Variants in ZNF337 observed in about 807,000 individuals in gnomAD.
ZNF337 encodes the protein zinc finger protein 337.
Under a neutral mutation model 12.1 loss-of-function variants are expected in ZNF337, and 8 were observed. The observed-to-expected ratio is 0.66, with a 90% CI of 0.39 to 1.19. The LOEUF is 1.19. Ranked by LOEUF, ZNF337 falls within the 50% of genes most tolerant of loss-of-function variation. The pLI is 0.01. For synonymous variants in ZNF337, 336 were observed against 320.0 expected, an observed-to-expected ratio of 1.05 and a Z score of -0.53; for missense variants, 882 against 896.6, an observed-to-expected ratio of 0.98 and a Z score of 0.21.
At chr20:25,680,158 G>A (rs2065753751) in intron 4 of ZNF337, among the ~76,000 whole-genome samples, 2 of 152,224 alleles carry the variant, frequency 1.3e-5, no homozygotes, top group South Asian at 2.1e-4. Flanking sequence ...AAGGGAGAAC[G>A]AAGAGCAGTT....
rs1272374242 is a variant in ZNF337, at chr20:25,686,469, G to A, written c.-49-3C>T. 6 of 1,609,938 alleles carry A rather than the reference G, an allele frequency of 3.7e-6. No homozygotes were observed. The highest frequency in any genetic ancestry group is 5.1e-6 in the Non-Finnish European group (6 of 1,178,070). The stretch of plus-strand genomic sequence containing the variant: ...AGGGAAGCTTGCAGATGGCCAATCT[G>A]TGGGAGGAGAGAAGTCAGAGGGTGG... On this transcript the variant is annotated splice_region_variant and splice_polypyrimidine_tract_variant and intron_variant, in intron 1 of 4. Coordinates refer to ENST00000252979, the MANE Select transcript of ZNF337 (RefSeq NM_015655.4).
rs568986214 is a variant in ZNF337 at position 25,684,890 on chromosome 20, A to G, written c.250+677T>C. ...TAACACAAGAAGAGAAAAATCAAAC[A>G]CTATATGTTCTCACTCATAAGTGGG... On this transcript the variant is annotated intron_variant, in intron 4 of 4. Transcript: ENST00000252979. Among the ~76,000 whole-genome samples, 78 of 151,286 alleles carry G rather than the reference A, an allele frequency of 5.2e-4. No homozygotes were observed. The South Asian group carries it at 5.4e-3, about 11-fold the overall frequency.
At chr20:25,695,758 C>T (rs929740284) in intron 1 of ZNF337, among the ~76,000 whole-genome samples, 7 of 152,004 alleles carry the variant, frequency 4.6e-5, no homozygotes, top group African/African-American at 1.7e-4. Context: ...GCTGTGCTGC[C>T]CAGGCTGCTC....
chr20:25,681,690 A>G (rs185604941), intron 4 of ZNF337, among the ~76,000 whole-genome samples: 1 of 152,314 alleles, frequency 6.6e-6, no homozygotes, highest in Non-Finnish European at 1.5e-5. Flanking sequence ...CTGGGGTGAG[A>G]GTAATTCTTT....
intron 4 of ZNF337, among the ~76,000 whole-genome samples, chr20:25,679,852 C>T (rs1229439789): frequency 6.6e-6 from 1 of 151,894 alleles, no homozygotes; most frequent in African/African-American, 2.4e-5. Context: ...ATACCTGTAC[C>T]CCCATGTTAA....
In ZNF337 at chr20:25,676,903, G is replaced by A. The variant is rs369174403; in HGVS notation, c.385C>T (p.Pro129Ser). Residue 129 changes from proline to serine, a missense_variant, in exon 5 of 5, where the codon CCC becomes TCC. Transcript: ENST00000252979. ...EGQEKEKSTK[P>S]MAFSSPPLRH... ...AGGGGTGGGCTGGAAAATGCCATGG[G>A]CTTAGTGCTTTTTTCTTTCTCTTGA... 6.2e-7 allele frequency: 1 copy of A among 1,614,130 alleles called. No individual in the cohort carries two copies. Among genetic ancestry groups the A allele is most frequent in the Non-Finnish European group, 8.5e-7 (1 of 1,180,034 alleles).
At chr20:25,693,132 A>T (rs2065894963) in intron 1 of ZNF337, among the ~76,000 whole-genome samples, 1 of 152,200 alleles carries the variant, frequency 6.6e-6, no homozygotes, top group African/African-American at 2.4e-5. Flanking sequence ...GCTGTAGTGC[A>T]GTGGCATGTT....
Position 25,673,366 on chromosome 20 carries a change from CA to C in ZNF337, c.*1665del, listed in dbSNP as rs2065638010. ...TTGCATGTATCTTCCCTGTGCTGGA[CA>C]AGGGTTGTGTGCAGCTATGTAGGGC... On this transcript the variant is annotated 3_prime_UTR_variant, in exon 5 of 5. Transcript: ENST00000252979. Among the ~76,000 whole-genome samples the C allele has an allele frequency of 6.6e-6, 1 of 152,168 alleles. No homozygotes were observed. Among genetic ancestry groups the C allele is most frequent in the Non-Finnish European group, 1.5e-5 (1 of 68,034 alleles).
In ZNF337 at chr20:25,674,176, T is replaced by G. The variant is rs759489009; in HGVS notation, c.*856A>C. On this transcript the variant is annotated 3_prime_UTR_variant, in exon 5 of 5. Transcript: ENST00000252979. The stretch of plus-strand genomic sequence containing the variant: ...TGATGAGGGGAGCAGTTACTTAGTC[T>G]ATTTGAGCTGTTATAATAAAATACC... The G allele has an allele frequency of 3.9e-5, 6 of 152,244 alleles. No homozygotes were observed. Among genetic ancestry groups the G allele is most frequent in the Non-Finnish European group, 5.9e-5 (4 of 68,060 alleles). 9.4% of individuals were successfully genotyped at this position (152,244 alleles called of 1,614,324 possible).
rs1296416009 is a variant in ZNF337, at chr20:25,675,165, G to A, written c.2123C>T (p.Thr708Ile). The change falls in exon 5 of 5, where the codon ACA becomes ATA. Residue 708 changes from threonine to isoleucine, a missense_variant. Coordinates refer to ENST00000252979, the MANE Select transcript of ZNF337 (RefSeq NM_015655.4). Reference protein sequence around the residue: ...SDLTVHERIHTGERPYECQEC... With the variant: ...SDLTVHERIHIGERPYECQEC... ...TTGGCATTCATAAGGCCTCTCTCCT[G>A]TGTGTATTCTTTCATGCACAGTGAG... The A allele has an allele frequency of 3.1e-6, 5 of 1,614,100 alleles. No homozygotes were observed. Among genetic ancestry groups the A allele is most frequent in the East Asian group, 2.2e-5 (1 of 44,886 alleles).
At chr20:25,693,486 A>C (rs1347432301) in intron 1 of ZNF337, among the ~76,000 whole-genome samples, 1 of 152,242 alleles carries the variant, frequency 6.6e-6, no homozygotes, top group Non-Finnish European at 1.5e-5. Flanking sequence ...ATGACTATAA[A>C]GCCCTGTCCC....
intron 4 of ZNF337, among the ~76,000 whole-genome samples, chr20:25,680,053 G>A (rs937971074): frequency 6.6e-6 from 1 of 152,152 alleles, no homozygotes; most frequent in East Asian, 1.9e-4. Context: ...AGTATCATTA[G>A]TTCATTATGT....
intron 4 of ZNF337, 69 bp from the exon 5 acceptor site, chr20:25,677,106 C>G: frequency 7.8e-7 from 1 of 1,283,192 alleles, no homozygotes; most frequent in South Asian, 1.6e-5. Flanking sequence ...AAACCCAGAA[C>G]CATATTGCTT....
chr20:25,689,029 C>T (rs561016420), intron 1 of ZNF337, among the ~76,000 whole-genome samples: 1 of 150,078 alleles, frequency 6.7e-6, no homozygotes. Context: ...CCCAGCTACT[C>T]GGGAGGCTGA....
intron 1 of ZNF337, among the ~76,000 whole-genome samples, chr20:25,688,286 C>T (rs6115258): frequency 6.6e-6 from 1 of 152,056 alleles, no homozygotes; most frequent in East Asian, 1.9e-4. Context: ...AAATACTGAC[C>T]TTATTTTCTG....
At chr20:25,696,662 G>C (rs2065934663) in intron 1 of ZNF337, 97 bp downstream of exon 1, 1 of 846,560 alleles carries the variant, frequency 1.2e-6, no homozygotes, top group African/African-American at 1.8e-5. Context: ...CGCGCGCTAC[G>C]GCCCCAGCAG....
At chr20:25,696,688 G>C (rs1364065690) in intron 1 of ZNF337, 71 bp downstream of exon 1, 1 of 957,150 alleles carries the variant, frequency 1.0e-6, no homozygotes, top group Non-Finnish European at 1.2e-6. Flanking sequence ...TCACGTCCCA[G>C]GCCTTCCCGG....
chr20:25,683,888 A>G (rs1030393884), intron 4 of ZNF337, among the ~76,000 whole-genome samples: 1 of 152,094 alleles, frequency 6.6e-6, no homozygotes, highest in African/African-American at 2.4e-5. Flanking sequence ...ATGCTGCTAT[A>G]AAGACACATG....
chr20:25,685,912 A>G, intron 3 of ZNF337, 84 bp downstream of exon 3: 3 of 1,531,854 alleles, frequency 2.0e-6, no homozygotes, highest in Middle Eastern at 1.8e-4. Context: ...AGAGAAAACA[A>G]CATTCTTGTC....
Sources: gnomAD v4.1 joint callset for allele counts (sites outside exome capture counted in the v4.1 genomes callset) on GRCh38, gnomAD v4.1.1 for gene constraint, MANE v1.5 for transcripts, NCBI Gene and HGNC (gene_info 2026-07-23, HGNC 2026-07-21) for gene names.